The following PTPDC1 variants were observed in gnomAD, a reference collection of about 807,000 sequenced individuals.
PTPDC1 encodes protein tyrosine phosphatase domain-containing protein 1.
PTPDC1 carries 53 observed loss-of-function variants against 75.3 expected under a neutral mutation model. That is an observed-to-expected ratio of 0.70 (90% CI 0.56 to 0.88). PTPDC1 has a LOEUF of 0.88. Among genes scored for constraint, PTPDC1 ranks in the 40% least tolerant of loss-of-function variants. The pLI, the probability that PTPDC1 is intolerant of heterozygous loss-of-function variation, is 0.00. For missense variants in PTPDC1, 925 were observed against 998.6 expected (o/e 0.93, Z 0.99); for synonymous variants, 349 against 366.2 (o/e 0.95, Z 0.54).
intron 6 of PTPDC1, 75 bp from the exon 7 acceptor site, chr9:94,101,491 G>A (rs1827838959): frequency 8.9e-7 from 1 of 1,124,176 alleles, no homozygotes; most frequent in South Asian, 1.4e-5. Context: ...GAATCATGCA[G>A]TGTCAAATGG....
At chr9:94,067,882 G>A (rs1316909996) in intron 2 of PTPDC1, among the ~76,000 whole-genome samples, 6 of 152,174 alleles carry the variant, frequency 3.9e-5, no homozygotes, top group Non-Finnish European at 8.8e-5. Flanking sequence ...GATTACAGGC[G>A]TGAGCTACCG....
chr9:94,032,484 A>G (rs1415861261), intron 1 of PTPDC1, among the ~76,000 whole-genome samples: 1 of 152,158 alleles, frequency 6.6e-6, no homozygotes, highest in Non-Finnish European at 1.5e-5. Context: ...CAGACAAGTG[A>G]CCATTCAAGC....
At chr9:94,046,961 A>G (rs1412837040) in intron 1 of PTPDC1, among the ~76,000 whole-genome samples, 3 of 152,236 alleles carry the variant, frequency 2.0e-5, no homozygotes, top group African/African-American at 7.2e-5. Context: ...TTGCCCATTC[A>G]GTATGATATT....
At chr9:94,076,952 A>G (rs528682590) in intron 2 of PTPDC1, among the ~76,000 whole-genome samples, 57 of 152,162 alleles carry the variant, frequency 3.7e-4, no homozygotes, top group Non-Finnish European at 6.5e-4. Flanking sequence ...GCATCTTTTC[A>G]TGTATTTATT....
chr9:94,035,718 G>A (rs1825243377), intron 1 of PTPDC1, among the ~76,000 whole-genome samples: 1 of 152,158 alleles, frequency 6.6e-6, no homozygotes, highest in South Asian at 2.1e-4. Context: ...GAATAGAGTG[G>A]TAGTCCTATT....
At chr9:94,043,524 C>T (rs1825494342) in intron 1 of PTPDC1, among the ~76,000 whole-genome samples, 1 of 152,010 alleles carries the variant, frequency 6.6e-6, no homozygotes, top group Admixed American at 6.6e-5. Flanking sequence ...TTGCTCCACA[C>T]CTAAATTTCT....
At position 94,101,581 on chromosome 9, in the gene PTPDC1, C is replaced by T. The variant is rs1827843087; in HGVS notation, c.2029C>T (p.Arg677Ter). 10 of 1,612,146 alleles carry T rather than the reference C, an allele frequency of 6.2e-6. No individual in the cohort carries two copies. The highest frequency in any genetic ancestry group is 1.3e-5 in the African/African-American group (1 of 74,764). Residue 677 changes from arginine (R) to a stop codon, truncating the protein, a stop_gained, in exon 7 of 9, where the codon CGA becomes TGA. Transcript: ENST00000620992. LOFTEE classifies it high-confidence loss of function. ...VEMWQKELNSRDGAWERICGE... is the reference protein window; with the variant it reads ...VEMWQKELNS ...TCCTTTTTAGAAAGAGCTTAATTCCCGAGATGGAGCTTGGGAAAGAATATG... is the reference window on the plus strand; with the variant it reads ...TCCTTTTTAGAAAGAGCTTAATTCCTGAGATGGAGCTTGGGAAAGAATATG...
At chr9:94,107,730 T>C (rs906879441) in intron 8 of PTPDC1, 98 bp from the exon 9 acceptor site, 70 of 563,696 alleles carry the variant, frequency 1.2e-4, no homozygotes, top group African/African-American at 1.2e-3. Flanking sequence ...GTTTTGTTTG[T>C]AAGTCTGTTT....
chr9:94,077,257 C>A (rs1826727286), intron 2 of PTPDC1, among the ~76,000 whole-genome samples: 1 of 152,170 alleles, frequency 6.6e-6, no homozygotes, highest in Non-Finnish European at 1.5e-5. Context: ...GGGGTTTTTT[C>A]CACACACCAA....
At chr9:94,062,093 C>T (rs1193309153) in intron 1 of PTPDC1, among the ~76,000 whole-genome samples, 10 of 152,142 alleles carry the variant, frequency 6.6e-5, no homozygotes, top group African/African-American at 1.7e-4. Flanking sequence ...TAGAAGCAGC[C>T]GGGTGACTTC....
At chr9:94,064,648 G>A (rs1826242770) in intron 1 of PTPDC1, 1 of 875,630 alleles carries the variant, frequency 1.1e-6, no homozygotes, top group Non-Finnish European at 1.8e-6. Context: ...TGCAGCATTG[G>A]ATAACAAAGG....
At chr9:94,101,872 T>A in intron 7 of PTPDC1, 121 bp downstream of exon 7, 2 of 580,798 alleles carry the variant, frequency 3.4e-6, no homozygotes, top group Non-Finnish European at 2.9e-6. Context: ...AGATCTAATT[T>A]AATAGTTTTT....
chr9:94,107,925 G>A lies in PTPDC1; in HGVS notation c.2408G>A (p.Gly803Asp), dbSNP rs777021224. ...LEEKRKMTKD[G>D]PKPGL is the part of the protein sequence containing the mutation. Reference sequence around the variant, plus strand: ...GAAAAAAGAAAAATGACAAAAGATGGCCCTAAGCCTGGCCTCTAGCTTTCA... The same window carrying A: ...GAAAAAAGAAAAATGACAAAAGATGACCCTAAGCCTGGCCTCTAGCTTTCA... Residue 803 changes from glycine to aspartate, a missense_variant, in exon 9 of 9, where the codon GGC becomes GAC. Gly to Asp is a moderately conservative substitution (Grantham distance 94). Coordinates refer to ENST00000620992, the MANE Select transcript of PTPDC1 (RefSeq NM_001253829.2). 6.9e-6 allele frequency: 11 copies of A among 1,596,762 alleles called. No homozygotes were observed. In the South Asian group the frequency reaches 1.2e-4, roughly 18 times the overall value.
chr9:94,065,291 G>T (rs183817051), intron 2 of PTPDC1, among the ~76,000 whole-genome samples: 1 of 152,132 alleles, frequency 6.6e-6, no homozygotes, highest in Admixed American at 6.6e-5. Context: ...CCCTTTACTC[G>T]TCCTGACCAT....
chr9:94,084,751 C>CT lies in PTPDC1; in HGVS notation c.224dup (p.Glu77ArgfsTer5), dbSNP rs781378112. On this transcript the variant is annotated frameshift_variant, in exon 1 of 9. Transcript: ENST00000620992. LOFTEE classifies it high-confidence loss of function. ...GTCAGCCATGCAGAGGGAAACCCAACTTTCCCCGAAAGAAAAAGTAAAGGT... is the reference window on the plus strand; with the variant it reads ...GTCAGCCATGCAGAGGGAAACCCAACTTTTCCCCGAAAGAAAAAGTAAAGGT... 1.3e-6 allele frequency: 2 copies of CT among 1,579,832 alleles called. No individual in the cohort carries two copies. Among genetic ancestry groups the CT allele is most frequent in the Admixed American group, 1.9e-5 (1 of 51,764 alleles).
intron 1 of PTPDC1, among the ~76,000 whole-genome samples, chr9:94,060,292 G>A (rs1160322173): frequency 6.6e-6 from 1 of 152,218 alleles, no homozygotes; most frequent in Non-Finnish European, 1.5e-5. Context: ...GCTGTGTAAT[G>A]ATGTCACTGT....
chr9:94,050,989 C>T (rs769883559), intron 1 of PTPDC1, among the ~76,000 whole-genome samples: 8 of 152,156 alleles, frequency 5.3e-5, no homozygotes, highest in South Asian at 2.1e-4. Flanking sequence ...AGTGAGGCTC[C>T]GTGGGCATAG....
intron 2 of PTPDC1, among the ~76,000 whole-genome samples, chr9:94,077,569 G>A (rs1826736453): frequency 6.6e-6 from 1 of 152,190 alleles, no homozygotes; most frequent in African/African-American, 2.4e-5. Context: ...GGATGGAGAT[G>A]AAGAGATGCA....
chr9:94,039,738 A>C (rs1323028018), intron 1 of PTPDC1, among the ~76,000 whole-genome samples: 13 of 152,184 alleles, frequency 8.5e-5, no homozygotes, highest in Non-Finnish European at 1.5e-4. Flanking sequence ...CTTCCCAAAA[A>C]CAAAAGTAAA....
Sources: gnomAD v4.1 joint callset for allele counts (sites outside exome capture counted in the v4.1 genomes callset) on GRCh38, gnomAD v4.1.1 for gene constraint, MANE v1.5 for transcripts, NCBI Gene and HGNC (gene_info 2026-07-23, HGNC 2026-07-21) for gene names.